Variants in KIF13B observed in about 807,000 individuals in gnomAD.
KIF13B encodes kinesin family member 13B.
KIF13B carries 127 observed loss-of-function variants against 222.0 expected under a neutral mutation model. The observed-to-expected ratio is 0.57, with a 90% confidence interval of 0.50 to 0.66. The LOEUF (loss-of-function observed/expected upper bound fraction) is 0.66, where lower values mean the gene tolerates loss of function less well. Ranked by LOEUF, KIF13B falls within the 30% of genes least tolerant of loss-of-function variation. KIF13B has a pLI of 0.00. For synonymous variants in KIF13B, 976 were observed against 919.0 expected, an observed-to-expected ratio of 1.06 and a Z score of -1.12; for missense variants, 2,173 against 2,379.0, an observed-to-expected ratio of 0.91 and a Z score of 1.80.
chr8:29,193,700 G>T (rs547299593), intron 3 of KIF13B, among the ~76,000 whole-genome samples: 3 of 152,158 alleles, frequency 2.0e-5, no homozygotes, highest in Non-Finnish European at 4.4e-5. Flanking sequence ...AAATGGTGTA[G>T]TATTTGCATA....
intron 2 of KIF13B, among the ~76,000 whole-genome samples, chr8:29,208,325 G>A (rs1373916984): frequency 2.0e-5 from 3 of 152,172 alleles, no homozygotes; most frequent in South Asian, 2.1e-4. Context: ...CTTCTAAGGT[G>A]TAAGAAAGAG....
At chr8:29,116,297 G>T (rs996748452) in intron 31 of KIF13B, among the ~76,000 whole-genome samples, 1 of 152,104 alleles carries the variant, frequency 6.6e-6, no homozygotes, top group Non-Finnish European at 1.5e-5. Flanking sequence ...GCGAGACCCC[G>T]TCTCCATAAG....
At chr8:29,263,084 G>T (rs773152729), upstream of KIF13B, 10 of 1,541,052 alleles carry the variant, frequency 6.5e-6, no homozygotes, top group Admixed American at 1.9e-4. Flanking sequence ...GCGGCCACCG[G>T]CGACTCTTCG....
chr8:29,169,763 G>A (rs1430128269), intron 10 of KIF13B, among the ~76,000 whole-genome samples: 2 of 152,176 alleles, frequency 1.3e-5, no homozygotes, highest in Admixed American at 6.5e-5. Flanking sequence ...AATTCATGAA[G>A]AGTCCCATGA....
rs956449467 is a variant in KIF13B at position 29,070,017 on chromosome 8, G to C, written c.*487C>G. On this transcript the variant is annotated 3_prime_UTR_variant, in exon 40 of 40. Transcript: ENST00000524189. The surrounding 1 kb of genome is among the most constrained non-coding windows in gnomAD (Gnocchi z 4.1). ...CCCAGAGGCACTTTGCGGGAAACTGGGACCAGGGTGGGAGGCTGGGGGGCT... is the reference window on the plus strand; with the variant it reads ...CCCAGAGGCACTTTGCGGGAAACTGCGACCAGGGTGGGAGGCTGGGGGGCT... 6.5e-6 allele frequency: 1 copy of C among 152,952 alleles called. No homozygotes were observed. The highest frequency in any genetic ancestry group is 2.5e-5 in the African/African-American group (1 of 40,006). The allele number at this position is 152,952 out of a possible 1,614,324, so 9.5% of individuals were successfully genotyped here. A position where few individuals can be genotyped will look rare whatever the true frequency, so the allele number is the denominator to read the frequency against.
intron 2 of KIF13B, 62 bp from the exon 3 acceptor site, chr8:29,196,261 T>C: frequency 7.6e-7 from 1 of 1,321,386 alleles, no homozygotes; most frequent in Non-Finnish European, 1.0e-6. Flanking sequence ...AAAAAAAAAA[T>C]TTAGTTTAGA....
chr8:29,172,660 G>C (rs904896829), intron 10 of KIF13B, among the ~76,000 whole-genome samples: 1 of 152,104 alleles, frequency 6.6e-6, no homozygotes, highest in Non-Finnish European at 1.5e-5. Flanking sequence ...CAGCTGCACA[G>C]TCAAGTCAGC....
At chr8:29,095,975 G>C (rs369378227) in intron 36 of KIF13B, among the ~76,000 whole-genome samples, 245 of 114,750 alleles carry the variant, frequency 2.1e-3, no homozygotes, top group African/African-American at 6.5e-3. Context: ...GTTTTTTTTT[G>C]TTTGTTTTTT....
chr8:29,197,359 A>AAAT (rs750396323), intron 2 of KIF13B, among the ~76,000 whole-genome samples: 4 of 148,288 alleles, frequency 2.7e-5, no homozygotes, highest in African/African-American at 1.0e-4. Context: ...AAAAAAAAAA[A>AAAT]AACTCAATAT....
At chr8:29,131,859 G>A (rs1343979850) in intron 23 of KIF13B, among the ~76,000 whole-genome samples, 4 of 152,200 alleles carry the variant, frequency 2.6e-5, no homozygotes, top group Admixed American at 1.3e-4. Flanking sequence ...ATACCCTGGA[G>A]ACACTGCCAT....
chr8:29,146,510 C>T lies in KIF13B; in HGVS notation c.2055G>A (p.Arg685=). ...TGGCCTTAACAATTTGTTCCCTCAG[C>T]CTCATCAGGCTGTTATTCAACGTTG... is the stretch of plus-strand genomic sequence containing the variant. The part of the protein sequence containing the change: ...REATLNNSLM[R]LREQIVKANL... Residue 685 remains arginine, a synonymous_variant, in exon 18 of 40, where the codon AGG becomes AGA. Coordinates refer to ENST00000524189, the MANE Select transcript of KIF13B (RefSeq NM_015254.4). 4 of 1,613,826 alleles carry T rather than the reference C, an allele frequency of 2.5e-6. No individual in the cohort carries two copies. Among genetic ancestry groups the T allele is most frequent in the Non-Finnish European group, 3.4e-6 (4 of 1,179,820 alleles).
intron 3 of KIF13B, among the ~76,000 whole-genome samples, chr8:29,194,763 A>T (rs1813343759): frequency 6.6e-6 from 1 of 152,192 alleles, no homozygotes; most frequent in African/African-American, 2.4e-5. Context: ...ATAAAGGAAA[A>T]ATCAAGGTCT....
intron 1 of KIF13B, among the ~76,000 whole-genome samples, chr8:29,260,287 C>G (rs1259219366): frequency 6.6e-6 from 1 of 152,166 alleles, no homozygotes; most frequent in African/African-American, 2.4e-5. Context: ...CTTAATACAC[C>G]AGAGTTTTCT....
At chr8:29,169,085 C>T (rs1812129755) in intron 10 of KIF13B, among the ~76,000 whole-genome samples, 1 of 152,180 alleles carries the variant, frequency 6.6e-6, no homozygotes, top group South Asian at 2.1e-4. Context: ...TACTTTGGGG[C>T]AGCATTAACC....
In KIF13B at chr8:29,152,090, T is replaced by G. The variant is rs139736647; in HGVS notation, c.1536-1707A>C. ...TCAAGACTTTAGGGGAGGAAGTAACTGCAGGTGTGGTGGAAATAGCAAGAG... is the reference window on the plus strand; with the variant it reads ...TCAAGACTTTAGGGGAGGAAGTAACGGCAGGTGTGGTGGAAATAGCAAGAG... On this transcript the variant is annotated intron_variant, in intron 14 of 39. Coordinates refer to ENST00000524189, the MANE Select transcript of KIF13B (RefSeq NM_015254.4). Among the ~76,000 whole-genome samples, 834 of 152,272 alleles carry G rather than the reference T, an allele frequency of 5.5e-3. 4 individuals carry two copies. The highest frequency in any genetic ancestry group is 0.019 in the African/African-American group (772 of 41,536).
intron 2 of KIF13B, among the ~76,000 whole-genome samples, chr8:29,221,097 C>CTTTTTTT (rs60915605): frequency 1.2e-4 from 13 of 112,756 alleles, no homozygotes; most frequent in African/African-American, 1.5e-4. Flanking sequence ...GAGCTGTGTT[C>CTTTTTTT]TTTTTTTTTT....
At chr8:29,079,587 A>G (rs1807712915) in intron 37 of KIF13B, among the ~76,000 whole-genome samples, 1 of 152,238 alleles carries the variant, frequency 6.6e-6, no homozygotes, top group Non-Finnish European at 1.5e-5. Flanking sequence ...TGTGGGAAAG[A>G]ACAGACTCTG....
In KIF13B at chr8:29,131,405, C is replaced by T. The variant is rs141238558; in HGVS notation, c.2943-740G>A. Reference sequence around the variant, plus strand: ...TTTCGTAGATAGACAAAGGTAGTGCCATATGCTTCAGTGATGTGCCAAGTA... The same window carrying T: ...TTTCGTAGATAGACAAAGGTAGTGCTATATGCTTCAGTGATGTGCCAAGTA... On this transcript the variant is annotated intron_variant, in intron 23 of 39. Transcript: ENST00000524189. 3.6e-4 allele frequency among the ~76,000 whole-genome samples: 54 copies of T among 151,768 alleles called. No individual in the cohort carries two copies. In the East Asian group the frequency reaches 9.9e-3, roughly 28 times the overall value.
chr8:29,165,804 C>CT, intron 11 of KIF13B, 32 bp from the exon 12 acceptor site: 1 of 1,464,650 alleles, frequency 6.8e-7, no homozygotes, highest in Non-Finnish European at 9.5e-7. Context: ...CATGAAATGT[C>CT]TAGAAGATGC....
Sources: allele counts gnomAD v4.1 joint callset (sites outside exome capture counted in the v4.1 genomes callset), GRCh38; gene constraint gnomAD v4.1.1; non-coding constraint Gnocchi (gnomAD v3.1); transcripts MANE v1.5; gene names NCBI Gene and HGNC (gene_info 2026-07-23, HGNC 2026-07-21).